NR3C2: variants seen among roughly 807,000 people sequenced by gnomAD.
The protein encoded by NR3C2 is nuclear receptor subfamily 3 group C member 2.
NR3C2 carries 15 observed loss-of-function variants against 86.4 expected under a neutral mutation model. The observed-to-expected ratio is 0.17, with a 90% CI of 0.12 to 0.27. The LOEUF is 0.27. NR3C2 is among the 10% of genes least tolerant of loss of function. The pLI is 1.00. For synonymous variants in NR3C2, 458 were observed against 450.5 expected (o/e 1.02, Z -0.21); for missense variants, 960 against 1,195.6 (o/e 0.80, Z 2.91).
intron 8 of NR3C2, among the ~76,000 whole-genome samples, chr4:148,087,700 T>C (rs973143859): frequency 2.0e-5 from 3 of 152,104 alleles, no homozygotes; most frequent in Admixed American, 1.3e-4. Context: ...TTATACCTTA[T>C]ACAAAAATCA....
At chr4:148,301,869 T>C (rs1477385449) in intron 2 of NR3C2, among the ~76,000 whole-genome samples, 1 of 152,226 alleles carries the variant, frequency 6.6e-6, no homozygotes, top group East Asian at 1.9e-4. Flanking sequence ...TTTAGGTACA[T>C]GGGATTGGCA....
chr4:148,279,703 C>T (rs1462726987), intron 2 of NR3C2, among the ~76,000 whole-genome samples: 2 of 152,076 alleles, frequency 1.3e-5, no homozygotes, highest in African/African-American at 4.8e-5. Flanking sequence ...ACATTCTGTA[C>T]TACACTGTTT....
chr4:148,173,276 C>T (rs1394082510), intron 4 of NR3C2, among the ~76,000 whole-genome samples: 1 of 152,180 alleles, frequency 6.6e-6, no homozygotes, highest in Non-Finnish European at 1.5e-5. Flanking sequence ...AATGTGTCAC[C>T]TTACATGGCA....
chr4:148,442,478 A>C (rs1453972501), upstream of NR3C2: 1 of 215,586 alleles, frequency 4.6e-6, no homozygotes, highest in East Asian at 1.8e-4. Context: ...GGGCGGGCGA[A>C]AGCCCGGAGG....
intron 4 of NR3C2, among the ~76,000 whole-genome samples, chr4:148,173,432 A>T (rs1735226055): frequency 6.6e-6 from 1 of 152,180 alleles, no homozygotes; most frequent in Non-Finnish European, 1.5e-5. Flanking sequence ...TGATGGAAGC[A>T]GGGGTGTAAG....
upstream of NR3C2, chr4:148,442,584 T>C: frequency 2.1e-6 from 2 of 942,030 alleles, no homozygotes; most frequent in South Asian, 4.9e-5. Context: ...ACCCTTCCTA[T>C]TGGCCCGAAG....
chr4:148,319,824 C>G (rs965622520), intron 2 of NR3C2, among the ~76,000 whole-genome samples: 8 of 148,204 alleles, frequency 5.4e-5, no homozygotes, highest in East Asian at 2.0e-4. Flanking sequence ...CGTCTGCAAA[C>G]AGGGACAATT....
intron 2 of NR3C2, among the ~76,000 whole-genome samples, chr4:148,292,640 A>G (rs556202984): frequency 6.6e-4 from 100 of 152,186 alleles, no homozygotes; most frequent in African/African-American, 2.3e-3. Flanking sequence ...CCAGGTTATG[A>G]GGTTTCTCTC....
chr4:148,267,052 A>C (rs1740432065), intron 2 of NR3C2, among the ~76,000 whole-genome samples: 1 of 152,182 alleles, frequency 6.6e-6, no homozygotes, highest in Non-Finnish European at 1.5e-5. Context: ...ACAGAATTAT[A>C]GTCTACCCAA....
chr4:148,270,603 A>T lies in NR3C2; in HGVS notation c.1758-10486T>A, dbSNP rs114018137. Reference sequence around the variant, plus strand: ...CACTCCTCAAAATATTTAAAATGGTATGTTAAGATGACATCAAAGAATGTG... The same window carrying T: ...CACTCCTCAAAATATTTAAAATGGTTTGTTAAGATGACATCAAAGAATGTG... On this transcript the variant is annotated intron_variant, in intron 2 of 8. Transcript: ENST00000358102. Among the ~76,000 whole-genome samples, 527 of 152,290 alleles carry T rather than the reference A, an allele frequency of 3.5e-3. 3 individuals carry two copies. The highest frequency in any genetic ancestry group is 0.012 in the African/African-American group (495 of 41,556).
chr4:148,250,791 A>G (rs1739536467), intron 3 of NR3C2, among the ~76,000 whole-genome samples: 1 of 152,140 alleles, frequency 6.6e-6, no homozygotes, highest in Admixed American at 6.5e-5. Flanking sequence ...CTATTCTTCA[A>G]CTGTTTTCAG....
chr4:148,407,017 C>T (rs1012359645), intron 2 of NR3C2, among the ~76,000 whole-genome samples: 1 of 152,262 alleles, frequency 6.6e-6, no homozygotes, highest in Admixed American at 6.5e-5. Flanking sequence ...AAAGAGTTAA[C>T]GTTTACAGAA....
chr4:148,379,841 C>G (rs945900624), intron 2 of NR3C2, among the ~76,000 whole-genome samples: 1 of 146,984 alleles, frequency 6.8e-6, no homozygotes, highest in African/African-American at 2.7e-5. Context: ...CAGATGCTCA[C>G]TTATTAAGTC....
intron 2 of NR3C2, among the ~76,000 whole-genome samples, chr4:148,318,860 T>C (rs950156818): frequency 2.0e-5 from 3 of 151,948 alleles, no homozygotes; most frequent in Non-Finnish European, 4.4e-5. Flanking sequence ...TCTTTTGCTG[T>C]GCAGAAGCTC....
chr4:148,442,689 T>C, upstream of NR3C2: 1 of 985,352 alleles, frequency 1.0e-6, no homozygotes, highest in Non-Finnish European at 1.2e-6. Flanking sequence ...TGATACAAAG[T>C]TGCTGCGACA....
chr4:148,397,622 AAAAACTCCT>A (rs2126517535), intron 2 of NR3C2, among the ~76,000 whole-genome samples: 1 of 152,274 alleles, frequency 6.6e-6, no homozygotes, highest in South Asian at 2.1e-4. Context: ...TTCTAATACA[AAAAACTCCT>A]TTCCTTTTCC....
At chr4:148,204,116 TATC>T (rs1243291386) in intron 3 of NR3C2, among the ~76,000 whole-genome samples, 3 of 152,208 alleles carry the variant, frequency 2.0e-5, no homozygotes, top group African/African-American at 7.2e-5. Context: ...TACTTTTAAT[TATC>T]ATAAGAATTT....
intron 5 of NR3C2, 72 bp from the exon 6 acceptor site, chr4:148,152,685 G>A: frequency 6.8e-7 from 1 of 1,472,502 alleles, no homozygotes; most frequent in Non-Finnish European, 9.5e-7. Flanking sequence ...TGCTTCTTAA[G>A]TCAACCCCAA....
intron 2 of NR3C2, among the ~76,000 whole-genome samples, chr4:148,413,652 G>T (rs1748835368): frequency 6.6e-6 from 1 of 152,022 alleles, no homozygotes; most frequent in Admixed American, 6.6e-5. Context: ...TAACTCACAA[G>T]TAATATAGGT....
Sources: gnomAD v4.1 joint callset for allele counts (sites outside exome capture counted in the v4.1 genomes callset) on GRCh38, gnomAD v4.1.1 for gene constraint, MANE v1.5 for transcripts, NCBI Gene and HGNC (gene_info 2026-07-23, HGNC 2026-07-21) for gene names.